Variants in CDH8 observed in about 807,000 individuals in gnomAD.
CDH8 encodes cadherin 8, also known as cadherin-8.
A neutral mutation model predicts 68.1 loss-of-function variants in CDH8; 17 were observed. That is an observed-to-expected ratio of 0.25 (90% CI 0.17 to 0.37). The LOEUF is 0.37. CDH8 is among the 10% of genes least tolerant of loss of function. The probability of loss-of-function intolerance (pLI) is 1.00; values close to 1 mark genes in which losing one functional copy is unlikely to be tolerated. For missense variants in CDH8, 763 were observed against 999.3 expected (o/e 0.76, Z 3.19); for synonymous variants, 372 against 365.1 (o/e 1.02, Z -0.21).
intron 1 of CDH8, among the ~76,000 whole-genome samples, chr16:62,023,666 G>T (rs1465337064): frequency 6.6e-6 from 1 of 152,140 alleles, no homozygotes; most frequent in African/African-American, 2.4e-5. Context: ...AGTTGGTAAG[G>T]TATGAGGGTG....
At position 61,778,651 on chromosome 16, in the gene CDH8, G is replaced by A. The variant is rs117773466; in HGVS notation, c.1414+10695C>T. 7.7e-3 allele frequency among the ~76,000 whole-genome samples: 1,166 copies of A among 152,190 alleles called. 22 individuals are homozygous for A. Among genetic ancestry groups the A allele is most frequent in the East Asian group, 0.054 (280 of 5,174 alleles). On this transcript the variant is annotated intron_variant, in intron 8 of 11. Transcript: ENST00000577390. ...GTAGGTAAATTACTTGCTAAAAGAC[G>A]TAGTACTATCATTTTTATTTCCATT...
chr16:61,755,488 A>T (rs1185023170), intron 8 of CDH8, among the ~76,000 whole-genome samples: 1 of 152,102 alleles, frequency 6.6e-6, no homozygotes, highest in East Asian at 1.9e-4. Flanking sequence ...TGTTACTTTC[A>T]GTTAAATATT....
chr16:61,914,469 G>A (rs1964206612), intron 2 of CDH8, among the ~76,000 whole-genome samples: 1 of 152,076 alleles, frequency 6.6e-6, no homozygotes, highest in Non-Finnish European at 1.5e-5. Flanking sequence ...TTTTGCAGAT[G>A]TGACTAAATT....
chr16:61,998,505 T>C (rs1965843560), intron 2 of CDH8, among the ~76,000 whole-genome samples: 1 of 152,160 alleles, frequency 6.6e-6, no homozygotes, highest in East Asian at 1.9e-4. Context: ...TAGCATACTG[T>C]CTTCCACCAG....
chr16:61,833,585 A>G (rs1243887253), intron 4 of CDH8, among the ~76,000 whole-genome samples: 4 of 152,058 alleles, frequency 2.6e-5, no homozygotes, highest in African/African-American at 9.6e-5. Flanking sequence ...TCCAGGTAAC[A>G]AAGTGATTTT....
intron 2 of CDH8, among the ~76,000 whole-genome samples, chr16:62,016,984 G>T (rs1048808977): frequency 2.0e-5 from 3 of 152,110 alleles, no homozygotes; most frequent in Admixed American, 6.5e-5. Context: ...AAAAAAAATT[G>T]TTAACTACCC....
intron 5 of CDH8, among the ~76,000 whole-genome samples, chr16:61,824,725 T>C (rs1156918220): frequency 6.6e-6 from 1 of 151,912 alleles, no homozygotes; most frequent in African/African-American, 2.4e-5. Flanking sequence ...CTCTCAAGCT[T>C]TCATAAAGAG....
chr16:62,024,509 T>C (rs1436919359), intron 1 of CDH8, among the ~76,000 whole-genome samples: 2 of 152,066 alleles, frequency 1.3e-5, no homozygotes, highest in Admixed American at 1.3e-4. Flanking sequence ...CAAGCAGCAA[T>C]GAGGATGGAC....
At chr16:61,749,264 C>T (rs1960099775) in intron 8 of CDH8, among the ~76,000 whole-genome samples, 1 of 151,932 alleles carries the variant, frequency 6.6e-6, no homozygotes, top group Non-Finnish European at 1.5e-5. Context: ...TGATAAGAAC[C>T]ATAGTGGTAA....
chr16:61,731,180 A>G (rs75908312), intron 8 of CDH8, among the ~76,000 whole-genome samples: 4,852 of 151,760 alleles, frequency 0.032, 356 homozygotes, highest in East Asian at 0.24. Context: ...GCCTAAGTGT[A>G]AACTCAAAAC....
At chr16:61,654,201 G>T (rs1271975732) in intron 11 of CDH8, 100 bp from the exon 12 acceptor site, 2 of 962,050 alleles carry the variant, frequency 2.1e-6, no homozygotes, top group Non-Finnish European at 3.1e-6. Context: ...TTACAAAATT[G>T]TATGAGCATA....
At chr16:61,691,514 G>T (rs1363733799) in intron 10 of CDH8, among the ~76,000 whole-genome samples, 2 of 151,776 alleles carry the variant, frequency 1.3e-5, no homozygotes, top group East Asian at 3.9e-4. Context: ...AGATCCATTT[G>T]TCTGGGAACT....
At position 61,648,477 on chromosome 16, in the gene CDH8, T is replaced by C. The variant is rs1963251445; in HGVS notation, c.*5131A>G. The stretch of plus-strand genomic sequence containing the variant: ...CCTCCTCAGTACTTCCATAGCACTA[T>C]ATATAACTTAGTTTCTATTTCTTAT... On this transcript the variant is annotated 3_prime_UTR_variant, in exon 12 of 12. Coordinates refer to ENST00000577390, the MANE Select transcript of CDH8 (RefSeq NM_001796.5). 1 of 151,890 alleles carries C rather than the reference T, an allele frequency of 6.6e-6. No individual in the cohort carries two copies. The highest frequency in any genetic ancestry group is 1.5e-5 in the Non-Finnish European group (1 of 67,906). The allele number at this position is 151,890 out of a possible 1,614,324, so 9.4% of individuals were successfully genotyped here. A position where few individuals can be genotyped will look rare whatever the true frequency, so the allele number is the denominator to read the frequency against.
intron 10 of CDH8, among the ~76,000 whole-genome samples, chr16:61,671,879 A>G (rs1006705700): frequency 2.0e-5 from 3 of 151,992 alleles, no homozygotes; most frequent in Non-Finnish European, 4.4e-5. Context: ...AAATGATTGA[A>G]AAAAAAAGAT....
chr16:61,689,852 TTGAG>T (rs1178306483), intron 10 of CDH8, among the ~76,000 whole-genome samples: 4 of 151,926 alleles, frequency 2.6e-5, no homozygotes, highest in Non-Finnish European at 4.4e-5. Context: ...AGATAAAGAC[TTGAG>T]TTTTAGAGAG....
chr16:61,657,105 C>A (rs1963463465), intron 10 of CDH8, among the ~76,000 whole-genome samples: 1 of 151,536 alleles, frequency 6.6e-6, no homozygotes, highest in African/African-American at 2.4e-5. Context: ...GAACACAGGG[C>A]TACCTAATCA....
At chr16:61,940,019 G>T (rs1964687290) in intron 2 of CDH8, among the ~76,000 whole-genome samples, 2 of 152,126 alleles carry the variant, frequency 1.3e-5, no homozygotes, top group Non-Finnish European at 2.9e-5. Context: ...CAAAAGAGGT[G>T]CATTCCCTTC....
chr16:61,731,407 A>G (rs1959532691), intron 8 of CDH8, among the ~76,000 whole-genome samples: 1 of 151,742 alleles, frequency 6.6e-6, no homozygotes, highest in Non-Finnish European at 1.5e-5. Flanking sequence ...ATGACCTAGG[A>G]CGCTTTTGAA....
intron 10 of CDH8, among the ~76,000 whole-genome samples, chr16:61,682,294 T>C (rs1964028351): frequency 6.6e-6 from 1 of 151,900 alleles, no homozygotes; most frequent in Admixed American, 6.6e-5. Flanking sequence ...AATAGTAATT[T>C]TATTGTATTT....
Sources: allele counts gnomAD v4.1 joint callset (sites outside exome capture counted in the v4.1 genomes callset), GRCh38; gene constraint gnomAD v4.1.1; transcripts MANE v1.5; gene names NCBI Gene and HGNC (gene_info 2026-07-23, HGNC 2026-07-21).